Variants in CDH6 observed in about 807,000 individuals in gnomAD.
The protein encoded by CDH6 is cadherin 6, also known as cadherin-6.
In CDH6, 31 loss-of-function variants were observed where a neutral mutation model predicts 78.0. The observed-to-expected ratio is 0.40, with a 90% confidence interval of 0.30 to 0.54. CDH6 has a LOEUF of 0.54. Among genes scored for constraint, CDH6 ranks in the 20% least tolerant of loss-of-function variants. CDH6 has a pLI of 0.56. For missense variants in CDH6, 724 were observed against 975.9 expected (o/e 0.74, Z 3.44); for synonymous variants, 376 against 368.8 (o/e 1.02, Z -0.23).
intron 2 of CDH6, among the ~76,000 whole-genome samples, chr5:31,288,853 T>C (rs1311173700): frequency 6.6e-6 from 1 of 152,262 alleles, no homozygotes; most frequent in Non-Finnish European, 1.5e-5. Context: ...TATTTCATTT[T>C]AGCCAAACAT....
At chr5:31,231,900 C>T (rs1048484617) in intron 1 of CDH6, among the ~76,000 whole-genome samples, 1 of 152,152 alleles carries the variant, frequency 6.6e-6, no homozygotes, top group Non-Finnish European at 1.5e-5. Flanking sequence ...CAGTTTTAGA[C>T]CTTTGCTCTT....
chr5:31,210,430 G>C (rs1232527408), intron 1 of CDH6, among the ~76,000 whole-genome samples: 2 of 152,142 alleles, frequency 1.3e-5, no homozygotes, highest in African/African-American at 4.8e-5. Context: ...CTTGAACCTG[G>C]AAGGCGGAGG....
rs971436460 is a variant in CDH6, at chr5:31,327,832, A to G, written c.*4524A>G. Reference sequence around the variant, plus strand: ...ATGTGGAGAGCAATACCCTCTTAGAAAGAAAATACATTGACTCATACACTT... The same window carrying G: ...ATGTGGAGAGCAATACCCTCTTAGAGAGAAAATACATTGACTCATACACTT... On this transcript the variant is annotated 3_prime_UTR_variant, in exon 12 of 12. Transcript: ENST00000265071. 4.7e-6 allele frequency: 1 copy of G among 214,252 alleles called. No individual in the cohort carries two copies. Among genetic ancestry groups the G allele is most frequent in the African/African-American group, 2.3e-5 (1 of 44,396 alleles). The allele number at this position is 214,252 out of a possible 1,614,324, so 13.3% of individuals were successfully genotyped here. A position where few individuals can be genotyped will look rare whatever the true frequency, so the allele number is the denominator to read the frequency against.
chr5:31,245,367 AT>A (rs1405647996), intron 1 of CDH6, among the ~76,000 whole-genome samples: 1 of 151,930 alleles, frequency 6.6e-6, no homozygotes, highest in Non-Finnish European at 1.5e-5. Context: ...GTTTGTCCTT[AT>A]TCTTCTTCTC....
rs201791956 is a variant in CDH6 at position 31,199,685 on chromosome 5, G to A, written c.-129+5799G>A. On this transcript the variant is annotated intron_variant, in intron 1 of 11. Transcript: ENST00000265071. ...TGTGTGTGTATGTGTGTGTGTGTGT[G>A]TATATATATATATATATATATATAT... 3.4e-3 allele frequency among the ~76,000 whole-genome samples: 272 copies of A among 79,828 alleles called. 2 individuals carry two copies. The highest frequency in any genetic ancestry group is 6.7e-3 in the East Asian group (14 of 2,100). The allele number at this position is 79,828 out of a possible 152,430, so 52.4% of individuals were successfully genotyped here. A position where few individuals can be genotyped will look rare whatever the true frequency, so the allele number is the denominator to read the frequency against.
At chr5:31,234,814 A>G (rs1363439748) in intron 1 of CDH6, among the ~76,000 whole-genome samples, 1 of 152,232 alleles carries the variant, frequency 6.6e-6, no homozygotes, top group Non-Finnish European at 1.5e-5. Context: ...GCATACATAT[A>G]TACATGCATG....
chr5:31,313,625 C>T (rs994235008), intron 8 of CDH6, among the ~76,000 whole-genome samples, 171 bp downstream of exon 8: 2 of 152,062 alleles, frequency 1.3e-5, no homozygotes, highest in East Asian at 1.9e-4. Flanking sequence ...TACATTGGCT[C>T]ACACATAAAT....
At chr5:31,277,898 A>G (rs1426717430) in intron 2 of CDH6, among the ~76,000 whole-genome samples, 1 of 152,228 alleles carries the variant, frequency 6.6e-6, no homozygotes, top group Non-Finnish European at 1.5e-5. Context: ...CAAAAATTAT[A>G]TATACTTAGG....
intron 1 of CDH6, among the ~76,000 whole-genome samples, chr5:31,257,725 C>G (rs149470860): frequency 2.4e-4 from 37 of 152,036 alleles, no homozygotes; most frequent in Non-Finnish European, 4.4e-5. Context: ...TCAGCTACCC[C>G]CTCCCACTAA....
rs1372700125 is a variant in CDH6, at chr5:31,294,558, T to TAAAA, written c.523+302_523+303insAAAA. 6.6e-5 allele frequency among the ~76,000 whole-genome samples: 1 copy of TAAAA among 15,106 alleles called. No individual in the cohort carries two copies. Among genetic ancestry groups the TAAAA allele is most frequent in the Non-Finnish European group, 6.8e-4 (1 of 1,474 alleles). The allele number at this position is 15,106 out of a possible 152,430, so 9.9% of individuals were successfully genotyped here. On this transcript the variant is annotated intron_variant, in intron 3 of 11. Transcript: ENST00000265071. This position sits in a 1 kb window ranked among gnomAD's most constrained non-coding sequence, Gnocchi z 4.1. ...TAAATGCCCATTCTCTTTCTTGGGC[T>TAAAA]GAAAGCAACCTTCTCCACTTCTCTT... is the stretch of plus-strand genomic sequence containing the variant.
At position 31,323,083 on chromosome 5, in the gene CDH6, T is replaced by A; in HGVS notation, c.2148T>A (p.Ile716=). The stretch of plus-strand genomic sequence containing the variant: ...ACAACACCGATGTCAGAGATTTCAT[T>A]AACCAAAGGTTAAAGGAAAATGACA... ...ARDNTDVRDF[I]NQRLKENDTD... is the part of the protein sequence containing the mutation. Residue 716 remains isoleucine (I), a synonymous_variant, in exon 12 of 12, where the codon ATT becomes ATA. Transcript: ENST00000265071. 1.9e-6 allele frequency: 3 copies of A among 1,614,188 alleles called. No individual in the cohort carries two copies. Among genetic ancestry groups the A allele is most frequent in the Non-Finnish European group, 2.5e-6 (3 of 1,180,040 alleles).
At position 31,279,339 on chromosome 5, in the gene CDH6, G is replaced by A. The variant is rs1024275454; in HGVS notation, c.228+11638G>A. Reference sequence around the variant, plus strand: ...TCCAAGCACTTTGGGAGGCCGAGGTGGGTGGATCACCTGAGCCCAGAAGTG... The same window carrying A: ...TCCAAGCACTTTGGGAGGCCGAGGTAGGTGGATCACCTGAGCCCAGAAGTG... On this transcript the variant is annotated intron_variant, in intron 2 of 11. Transcript: ENST00000265071. Among the ~76,000 whole-genome samples the A allele has an allele frequency of 3.0e-4, 46 of 152,234 alleles. No individual in the cohort carries two copies. In the South Asian group the frequency reaches 3.9e-3, roughly 13 times the overall value.
intron 1 of CDH6, among the ~76,000 whole-genome samples, chr5:31,199,683 G>GTATA (rs1369706220): frequency 1.5e-4 from 9 of 59,658 alleles, no homozygotes; most frequent in Admixed American, 4.0e-4. Flanking sequence ...GTGTGTGTGT[G>GTATA]TGTATATATA....
At position 31,328,298 on chromosome 5, in the gene CDH6, G is replaced by A. The variant is rs779491689; in HGVS notation, c.*4990G>A. ...TGTGGAAAAAGCATTCCACGCTAAT[G>A]AGATCTTGGTCTTTCTTGTGAGGCT... is the stretch of plus-strand genomic sequence containing the variant. On this transcript the variant is annotated 3_prime_UTR_variant, in exon 12 of 12. Transcript: ENST00000265071. 1 of 194,138 alleles carries A rather than the reference G, an allele frequency of 5.2e-6. No individual in the cohort carries two copies. The highest frequency in any genetic ancestry group is 6.2e-5 in the Admixed American group (1 of 16,050). 12.0% of individuals were successfully genotyped at this position (194,138 alleles called of 1,614,324 possible). A position where few individuals can be genotyped will look rare whatever the true frequency, so the allele number is the denominator to read the frequency against.
chr5:31,266,118 A>G (rs996131363), intron 1 of CDH6, among the ~76,000 whole-genome samples: 6 of 152,038 alleles, frequency 3.9e-5, no homozygotes, highest in African/African-American at 1.4e-4. Context: ...ACAAAGGAGT[A>G]ATTTACTGTT....
At chr5:31,293,830 T>TAAA (rs200606558) in intron 2 of CDH6, 132 bp from the exon 3 acceptor site, 27,164 of 445,836 alleles carry the variant, frequency 0.061, 447 homozygotes, top group South Asian at 0.09. Context: ...ACGTAAATAG[T>TAAA]AAAAAAAAAA....
intron 2 of CDH6, among the ~76,000 whole-genome samples, chr5:31,284,374 T>C (rs1338034551): frequency 6.6e-6 from 1 of 152,150 alleles, no homozygotes; most frequent in Non-Finnish European, 1.5e-5. Flanking sequence ...AAATAACACA[T>C]ACAAAGACTT....
At chr5:31,297,678 G>A (rs1291902644) in intron 4 of CDH6, among the ~76,000 whole-genome samples, 1 of 152,144 alleles carries the variant, frequency 6.6e-6, no homozygotes, top group African/African-American at 2.4e-5. Context: ...AAGCTAAAAG[G>A]TAAACCCCTT....
chr5:31,279,962 TAG>T (rs1407379887), intron 2 of CDH6, among the ~76,000 whole-genome samples: 1 of 152,150 alleles, frequency 6.6e-6, no homozygotes, highest in African/African-American at 2.4e-5. Flanking sequence ...TAAAGGAAAA[TAG>T]AGTCTTCAAG....
Sources: gnomAD v4.1 joint callset for allele counts (sites outside exome capture counted in the v4.1 genomes callset) on GRCh38, gnomAD v4.1.1 for gene constraint, Gnocchi (gnomAD v3.1) non-coding constraint, MANE v1.5 for transcripts, NCBI Gene and HGNC (gene_info 2026-07-23, HGNC 2026-07-21) for gene names.